The following KCNH7 variants were observed in gnomAD, a reference collection of about 807,000 sequenced individuals.
The protein encoded by KCNH7 is voltage-gated inwardly rectifying potassium channel KCNH7.
In KCNH7, 49 loss-of-function variants were observed where a neutral mutation model predicts 120.8. That is an observed-to-expected ratio of 0.41 (90% CI 0.32 to 0.51). KCNH7 has a LOEUF of 0.51. Ranked by LOEUF, KCNH7 falls within the 20% of genes least tolerant of loss-of-function variation. The probability of loss-of-function intolerance (pLI) is 0.38; values close to 1 mark genes in which losing one functional copy is unlikely to be tolerated. For missense variants in KCNH7, 1,097 were observed against 1,446.6 expected (o/e 0.76, Z 3.92); for synonymous variants, 547 against 516.1 (o/e 1.06, Z -0.81).
At chr2:162,400,500 TA>T in intron 9 of KCNH7, 59 bp from the exon 10 acceptor site, 1 of 1,559,680 alleles carries the variant, frequency 6.4e-7, no homozygotes. Context: ...CTGCCTGAAA[TA>T]CAGTCAATTT....
chr2:162,789,516 C>A (rs557867411), intron 2 of KCNH7, among the ~76,000 whole-genome samples: 39 of 151,990 alleles, frequency 2.6e-4, no homozygotes, highest in African/African-American at 8.9e-4. Context: ...ATGAACCTAA[C>A]GGACGTATAT....
chr2:162,384,642 T>G lies in KCNH7; in HGVS notation c.2962+46A>C, dbSNP rs776649093. The G allele has an allele frequency of 8.3e-6, 13 of 1,570,244 alleles. No homozygotes were observed. In the African/African-American group the frequency reaches 1.8e-4, roughly 22 times the overall value. On this transcript the variant is annotated intron_variant, in intron 13 of 15. Transcript: ENST00000332142. The stretch of plus-strand genomic sequence containing the variant: ...TAATTTGTAAAAAGTCACCATTTTG[T>G]GATTAGCACTGAAGAGAGACCACCT...
intron 2 of KCNH7, among the ~76,000 whole-genome samples, chr2:162,781,480 T>C (rs1683483746): frequency 6.6e-6 from 1 of 152,016 alleles, no homozygotes. Flanking sequence ...ATGCATATTC[T>C]GATAATCTAA....
chr2:162,397,054 C>T, intron 10 of KCNH7, 109 bp from the exon 11 acceptor site: 2 of 721,980 alleles, frequency 2.8e-6, no homozygotes, highest in Non-Finnish European at 2.3e-6. Flanking sequence ...CTGAACCAGA[C>T]TTGGTGAGCA....
intron 6 of KCNH7, among the ~76,000 whole-genome samples, chr2:162,460,862 T>C (rs1231404925): frequency 6.6e-6 from 1 of 152,222 alleles, no homozygotes; most frequent in African/African-American, 2.4e-5. Flanking sequence ...TTTGGTTCTA[T>C]AGGGCCTGTG....
chr2:162,752,854 T>C (rs1054660467), intron 2 of KCNH7, among the ~76,000 whole-genome samples: 3 of 145,620 alleles, frequency 2.1e-5, no homozygotes, highest in African/African-American at 5.0e-5. Flanking sequence ...TGAGCCGAGA[T>C]TGCGCCATTG....
At chr2:162,434,347 G>A (rs1688169263) in intron 8 of KCNH7, among the ~76,000 whole-genome samples, 1 of 152,028 alleles carries the variant, frequency 6.6e-6, no homozygotes, top group African/African-American at 2.4e-5. Context: ...ATATACCCAT[G>A]TAACAAACCT....
rs562724489 is a variant in KCNH7, at chr2:162,441,817, A to G, written c.1554+4201T>C. Reference sequence around the variant, plus strand: ...TTTGCTGATGCAGAAATTAGGAAATAGAGAATCTTTTTATTGTCTCTCTGG... The same window carrying G: ...TTTGCTGATGCAGAAATTAGGAAATGGAGAATCTTTTTATTGTCTCTCTGG... On this transcript the variant is annotated intron_variant, in intron 7 of 15. Coordinates refer to ENST00000332142, the MANE Select transcript of KCNH7 (RefSeq NM_033272.4). Among the ~76,000 whole-genome samples, 29 of 152,180 alleles carry G rather than the reference A, an allele frequency of 1.9e-4. 1 individual carries two copies. In the South Asian group the frequency reaches 5.6e-3, roughly 29 times the overall value.
chr2:162,436,439 T>C (rs894889198), intron 7 of KCNH7, among the ~76,000 whole-genome samples: 2 of 152,172 alleles, frequency 1.3e-5, no homozygotes, highest in African/African-American at 4.8e-5. Context: ...TGTAACTAAT[T>C]GGGTGATTAT....
chr2:162,510,698 T>C (rs1691041434), intron 5 of KCNH7, among the ~76,000 whole-genome samples: 1 of 151,784 alleles, frequency 6.6e-6, no homozygotes, highest in South Asian at 2.1e-4. Context: ...CACAAAGCAG[T>C]GTAGAAACCT....
intron 2 of KCNH7, among the ~76,000 whole-genome samples, chr2:162,709,901 A>G (rs1686861842): frequency 6.6e-6 from 1 of 152,136 alleles, no homozygotes; most frequent in South Asian, 2.1e-4. Flanking sequence ...TTAAAATTGT[A>G]TATTGTCACT....
intron 6 of KCNH7, among the ~76,000 whole-genome samples, chr2:162,448,096 A>C (rs1688643754): frequency 6.6e-6 from 1 of 152,096 alleles, no homozygotes; most frequent in Non-Finnish European, 1.5e-5. Flanking sequence ...AATCTGGAAA[A>C]TAAAGTGATT....
chr2:162,490,687 C>T (rs990957818), intron 6 of KCNH7, among the ~76,000 whole-genome samples: 1 of 152,166 alleles, frequency 6.6e-6, no homozygotes, highest in Non-Finnish European at 1.5e-5. Context: ...CTAGATAGGA[C>T]CCCAACAACA....
chr2:162,672,887 T>A (rs1380024312), intron 2 of KCNH7, among the ~76,000 whole-genome samples: 1 of 151,988 alleles, frequency 6.6e-6, no homozygotes, highest in Non-Finnish European at 1.5e-5. Context: ...AGCTCAAATT[T>A]ACTGATGTGA....
At chr2:162,664,241 A>G (rs1685062502) in intron 2 of KCNH7, among the ~76,000 whole-genome samples, 1 of 152,176 alleles carries the variant, frequency 6.6e-6, no homozygotes, top group Non-Finnish European at 1.5e-5. Flanking sequence ...ATATGTGCAC[A>G]TATAACCTCT....
chr2:162,733,983 G>A (rs1687816416), intron 2 of KCNH7, among the ~76,000 whole-genome samples: 2 of 152,006 alleles, frequency 1.3e-5, no homozygotes. Flanking sequence ...TATAGTTACT[G>A]CTTTCCCCAG....
intron 2 of KCNH7, among the ~76,000 whole-genome samples, chr2:162,697,330 G>C (rs1414801586): frequency 1.3e-5 from 2 of 152,066 alleles, no homozygotes; most frequent in Non-Finnish European, 2.9e-5. Flanking sequence ...ATGCACACTG[G>C]GAACTCTACA....
At chr2:162,578,363 A>G (rs1029677304) in intron 2 of KCNH7, among the ~76,000 whole-genome samples, 2 of 152,050 alleles carry the variant, frequency 1.3e-5, no homozygotes, top group Non-Finnish European at 2.9e-5. Context: ...GTTTCCACAT[A>G]TATAATGTCA....
intron 2 of KCNH7, among the ~76,000 whole-genome samples, chr2:162,771,524 T>G (rs2105472911): frequency 6.6e-6 from 1 of 152,234 alleles, no homozygotes; most frequent in South Asian, 2.1e-4. Flanking sequence ...ATTTGCATCA[T>G]TCTTATTTGT....
Sources: allele counts gnomAD v4.1 joint callset (sites outside exome capture counted in the v4.1 genomes callset), GRCh38; gene constraint gnomAD v4.1.1; transcripts MANE v1.5; gene names NCBI Gene and HGNC (gene_info 2026-07-23, HGNC 2026-07-21).